Variants in DROSHA observed in about 807,000 individuals in gnomAD.
The protein encoded by DROSHA is drosha ribonuclease III.
Under a neutral mutation model 181.9 loss-of-function variants are expected in DROSHA, and 56 were observed. The ratio of observed to expected loss-of-function variants is 0.31; its 90% CI spans 0.25 to 0.38. DROSHA has a LOEUF of 0.38. DROSHA is among the 10% of genes least tolerant of loss of function. DROSHA has a pLI of 1.00. For synonymous variants in DROSHA, 524 were observed against 591.2 expected (o/e 0.89, Z 1.65); for missense variants, 1,218 against 1,743.5 (o/e 0.70, Z 5.37).
rs186650447 is a variant in DROSHA at position 31,509,593 on chromosome 5, G to A, written c.1433-818C>T. Reference sequence around the variant, plus strand: ...AAGAACACAGTGGACTAGCTAGAGCGCGGGCCACACGGAAAAACACTGGGA... The same window carrying A: ...AAGAACACAGTGGACTAGCTAGAGCACGGGCCACACGGAAAAACACTGGGA... On this transcript the variant is annotated intron_variant, in intron 9 of 35. Coordinates refer to ENST00000344624, the MANE Select transcript of DROSHA (RefSeq NM_001382508.1). Among the ~76,000 whole-genome samples, 11 of 152,324 alleles carry A rather than the reference G, an allele frequency of 7.2e-5. No individual in the cohort carries two copies. The East Asian group carries it at 1.7e-3, about 24-fold the overall frequency.
intron 3 of DROSHA, among the ~76,000 whole-genome samples, chr5:31,530,073 A>G (rs952481370): frequency 6.6e-6 from 1 of 152,252 alleles, no homozygotes; most frequent in African/African-American, 2.4e-5. Context: ...AAATAATTTC[A>G]GATTATGCTA....
At chr5:31,453,433 C>T (rs1747264212) in intron 20 of DROSHA, among the ~76,000 whole-genome samples, 1 of 152,256 alleles carries the variant, frequency 6.6e-6, no homozygotes, top group African/African-American at 2.4e-5. Context: ...AACTCCTGGG[C>T]TCAAGGGATC....
At chr5:31,435,924 C>A in intron 24 of DROSHA, 60 bp from the exon 25 acceptor site, 1 of 1,518,568 alleles carries the variant, frequency 6.6e-7, no homozygotes, top group Non-Finnish European at 9.0e-7. Flanking sequence ...GTCTGTGGCT[C>A]TGAGTCACAG....
At chr5:31,434,662 ACC>A (rs1744575366) in intron 25 of DROSHA, among the ~76,000 whole-genome samples, 1 of 152,228 alleles carries the variant, frequency 6.6e-6, no homozygotes, top group Non-Finnish European at 1.5e-5. Flanking sequence ...AAATTAAGAA[ACC>A]AGTCATAAAG....
At chr5:31,486,681 C>A in intron 13 of DROSHA, 119 bp from the exon 14 acceptor site, 1 of 735,950 alleles carries the variant, frequency 1.4e-6, no homozygotes, top group East Asian at 2.7e-5. Context: ...ACCTTCATCT[C>A]AGCGGCTAAC....
chr5:31,424,263 C>T (rs980235231), intron 28 of DROSHA, among the ~76,000 whole-genome samples, 164 bp downstream of exon 28: 1 of 152,082 alleles, frequency 6.6e-6, no homozygotes, highest in Admixed American at 6.6e-5. Flanking sequence ...TGGGTTCATT[C>T]TCCTATTGTT....
intron 27 of DROSHA, among the ~76,000 whole-genome samples, chr5:31,424,832 T>TTGTAATTAAAACTCATTTCAAA (rs1743282439): frequency 6.6e-6 from 1 of 152,216 alleles, no homozygotes; most frequent in African/African-American, 2.4e-5. Context: ...GCTGTGCCTT[T>TTGTAATTAAAACTCATTTCAAA]TGTAATTAAA....
chr5:31,404,237 G>T (rs1740385005), intron 35 of DROSHA, among the ~76,000 whole-genome samples: 3 of 152,068 alleles, frequency 2.0e-5, no homozygotes, highest in Non-Finnish European at 4.4e-5. Context: ...CTCAGAATAG[G>T]TGATCTCTCC....
At chr5:31,483,460 G>T in intron 16 of DROSHA, 94 bp downstream of exon 16, 1 of 1,201,134 alleles carries the variant, frequency 8.3e-7, no homozygotes, top group Non-Finnish European at 1.2e-6. Flanking sequence ...AGTATCGAAG[G>T]TGGGAAAGTT....
At chr5:31,429,154 T>G (rs1743831327) in intron 27 of DROSHA, among the ~76,000 whole-genome samples, 2 of 152,174 alleles carry the variant, frequency 1.3e-5, no homozygotes, top group Admixed American at 1.3e-4. Context: ...ACCCAATGAT[T>G]CTAAAATATA....
At chr5:31,431,537 A>G (rs1212289894) in intron 26 of DROSHA, 39 bp downstream of exon 26, 1 of 1,593,372 alleles carries the variant, frequency 6.3e-7, no homozygotes, top group Admixed American at 1.7e-5. Flanking sequence ...CTGTTTAGAC[A>G]TGCAAGAAAG....
intron 21 of DROSHA, among the ~76,000 whole-genome samples, chr5:31,450,444 G>T (rs1021803808): frequency 6.6e-6 from 1 of 152,102 alleles, no homozygotes; most frequent in African/African-American, 2.4e-5. Flanking sequence ...GCCTATCAAC[G>T]GATGAGTGGA....
chr5:31,529,206 C>A, intron 3 of DROSHA, 101 bp from the exon 4 acceptor site: 1 of 970,716 alleles, frequency 1.0e-6, no homozygotes, highest in Non-Finnish European at 1.5e-6. Flanking sequence ...TTGTAGTTTC[C>A]AATACACTTA....
In DROSHA at chr5:31,451,522, A is replaced by G. The variant is rs776556716; in HGVS notation, c.2682+11T>C. 6.3e-7 allele frequency: 1 copy of G among 1,599,830 alleles called. No individual in the cohort carries two copies. The highest frequency in any genetic ancestry group is 8.5e-7 in the Non-Finnish European group (1 of 1,170,714). ...TGTTATTATGTGAGTTTACAGGAGAATAATTCTTACCTGCAACAGACAACG... is the reference window on the plus strand; with the variant it reads ...TGTTATTATGTGAGTTTACAGGAGAGTAATTCTTACCTGCAACAGACAACG... On this transcript the variant is annotated intron_variant, in intron 21 of 35. Coordinates refer to ENST00000344624, the MANE Select transcript of DROSHA (RefSeq NM_001382508.1).
At chr5:31,408,982 T>G (rs1740983014) in intron 33 of DROSHA, 74 bp downstream of exon 33, 1 of 1,379,880 alleles carries the variant, frequency 7.2e-7, no homozygotes, top group Non-Finnish European at 1.0e-6. Context: ...AATGACTCAT[T>G]CTTCAAGGCA....
chr5:31,523,994 AAC>A (rs1169191298), intron 5 of DROSHA, among the ~76,000 whole-genome samples: 46 of 114,926 alleles, frequency 4.0e-4, no homozygotes, highest in Non-Finnish European at 4.8e-4. Flanking sequence ...AAAAAAAAAA[AAC>A]AACAAAAAAA....
At chr5:31,508,948 G>A (rs1053231999) in intron 9 of DROSHA, among the ~76,000 whole-genome samples, 173 bp from the exon 10 acceptor site, 5 of 151,674 alleles carry the variant, frequency 3.3e-5, no homozygotes, top group African/African-American at 7.3e-5. Context: ...TTAGCCTCCC[G>A]AGTAGCTGGG....
At chr5:31,499,908 A>T (rs1392410187) in intron 11 of DROSHA, among the ~76,000 whole-genome samples, 1 of 152,196 alleles carries the variant, frequency 6.6e-6, no homozygotes, top group African/African-American at 2.4e-5. Flanking sequence ...AACTCTCACT[A>T]CCTACAGTGG....
chr5:31,421,908 A>ATGCGCC (rs1742752277), intron 29 of DROSHA: 1 of 51,302 alleles, frequency 1.9e-5, no homozygotes, highest in African/African-American at 1.7e-4. Flanking sequence ...TATATATATA[A>ATGCGCC]AAATTAGCCG....
Sources: gnomAD v4.1 joint callset for allele counts (sites outside exome capture counted in the v4.1 genomes callset) on GRCh38, gnomAD v4.1.1 for gene constraint, MANE v1.5 for transcripts, NCBI Gene and HGNC (gene_info 2026-07-23, HGNC 2026-07-21) for gene names.